Variants in DCC observed in about 807,000 individuals in gnomAD.
The protein encoded by DCC is DCC netrin 1 receptor.
DCC carries 58 observed loss-of-function variants against 172.5 expected under a neutral mutation model. That is an observed-to-expected ratio of 0.34 (90% CI 0.27 to 0.42). DCC has a LOEUF of 0.42. Ranked by LOEUF, DCC falls within the 10% of genes least tolerant of loss-of-function variation. The pLI is 1.00. For synonymous variants in DCC, 709 were observed against 644.5 expected, an observed-to-expected ratio of 1.10 and a Z score of -1.52; for missense variants, 1,740 against 1,791.0, an observed-to-expected ratio of 0.97 and a Z score of 0.51.
chr18:52,982,072 C>T (rs1378763098), intron 5 of DCC, among the ~76,000 whole-genome samples: 1 of 152,076 alleles, frequency 6.6e-6, no homozygotes, highest in African/African-American at 2.4e-5. Flanking sequence ...AAGATAGCTT[C>T]AAAGACACTG....
chr18:52,784,567 G>T (rs79923066), intron 2 of DCC, among the ~76,000 whole-genome samples: 4,656 of 151,956 alleles, frequency 0.031, 276 homozygotes, highest in African/African-American at 0.11. Flanking sequence ...CTACATGTTT[G>T]CCAGCAGTTG....
At chr18:53,146,410 G>A (rs546383105) in intron 7 of DCC, among the ~76,000 whole-genome samples, 1 of 152,310 alleles carries the variant, frequency 6.6e-6, no homozygotes, top group South Asian at 2.1e-4. Flanking sequence ...CAGGAAGTTG[G>A]TGTCCTCACA....
chr18:52,798,878 G>A (rs543477190), intron 2 of DCC, among the ~76,000 whole-genome samples: 8 of 151,952 alleles, frequency 5.3e-5, no homozygotes, highest in Admixed American at 2.6e-4. Flanking sequence ...TCAGCCTCCC[G>A]AGTAGTTGGG....
At chr18:53,014,559 GAT>G (rs1272576982) in intron 5 of DCC, among the ~76,000 whole-genome samples, 1 of 150,216 alleles carries the variant, frequency 6.7e-6, no homozygotes, top group Admixed American at 6.7e-5. Flanking sequence ...TTGTCCTTGC[GAT>G]AGTTTGCTGA....
chr18:53,369,004 G>C (rs981295362), intron 15 of DCC, among the ~76,000 whole-genome samples: 1 of 151,864 alleles, frequency 6.6e-6, no homozygotes, highest in African/African-American at 2.4e-5. Context: ...AGATTGCATT[G>C]AATCTGTAAA....
chr18:52,478,945 G>A (rs1012490937), intron 1 of DCC, among the ~76,000 whole-genome samples: 3 of 152,104 alleles, frequency 2.0e-5, no homozygotes, highest in African/African-American at 7.2e-5. Context: ...GATGACATAG[G>A]TAATACCATG....
At chr18:52,810,875 G>T (rs986206567) in intron 2 of DCC, among the ~76,000 whole-genome samples, 1 of 152,090 alleles carries the variant, frequency 6.6e-6, no homozygotes, top group African/African-American at 2.4e-5. Flanking sequence ...GTTTCACTGG[G>T]GGCCCACCCC....
intron 5 of DCC, among the ~76,000 whole-genome samples, chr18:52,963,522 G>A (rs2040879832): frequency 6.6e-6 from 1 of 152,146 alleles, no homozygotes; most frequent in South Asian, 2.1e-4. Context: ...ATGCACAGGA[G>A]TCTGAAGTGG....
chr18:53,506,859 CAAA>C (rs34848744), intron 27 of DCC, among the ~76,000 whole-genome samples: 26 of 133,320 alleles, frequency 2.0e-4, no homozygotes, highest in Admixed American at 1.5e-4. Flanking sequence ...GACTCCATCT[CAAA>C]AAAAAAAAAA....
At chr18:53,285,110 G>A (rs1461679902) in intron 12 of DCC, among the ~76,000 whole-genome samples, 2 of 151,122 alleles carry the variant, frequency 1.3e-5, no homozygotes, top group African/African-American at 2.4e-5. Flanking sequence ...CAATTTGATG[G>A]AAAAAAAAAT....
intron 27 of DCC, among the ~76,000 whole-genome samples, chr18:53,509,840 C>T (rs771723068): frequency 2.0e-5 from 3 of 152,156 alleles, no homozygotes; most frequent in African/African-American, 2.4e-5. Flanking sequence ...AGTTCCAAAA[C>T]CTTGTACTGA....
At chr18:52,716,880 T>C (rs2036392484) in intron 1 of DCC, among the ~76,000 whole-genome samples, 1 of 152,190 alleles carries the variant, frequency 6.6e-6, no homozygotes, top group African/African-American at 2.4e-5. Context: ...TTGATTGTTC[T>C]TTAAAGATGG....
chr18:52,729,514 C>A (rs1206063586), intron 1 of DCC, among the ~76,000 whole-genome samples: 1 of 152,196 alleles, frequency 6.6e-6, no homozygotes, highest in African/African-American at 2.4e-5. Flanking sequence ...CCTGCCTTGG[C>A]CTCCCAAAGT....
intron 7 of DCC, among the ~76,000 whole-genome samples, chr18:53,117,710 A>G (rs1057436143): frequency 4.6e-5 from 7 of 151,640 alleles, no homozygotes; most frequent in African/African-American, 1.7e-4. Context: ...CAGGAAGTAA[A>G]TATTTCAGGC....
At chr18:52,792,808 T>A (rs62083268) in intron 2 of DCC, among the ~76,000 whole-genome samples, 14 of 134,658 alleles carry the variant, frequency 1.0e-4, no homozygotes, top group Non-Finnish European at 1.3e-4. Context: ...CCATTCCAGT[T>A]GATTCAATTC....
chr18:52,511,653 C>G (rs919766794), intron 1 of DCC, among the ~76,000 whole-genome samples: 22 of 152,302 alleles, frequency 1.4e-4, no homozygotes, highest in Middle Eastern at 3.4e-3. Flanking sequence ...AAACAATCAT[C>G]CAGTCCCAAA....
chr18:53,388,715 G>A (rs1908342164), intron 16 of DCC, among the ~76,000 whole-genome samples: 1 of 152,212 alleles, frequency 6.6e-6, no homozygotes, highest in Non-Finnish European at 1.5e-5. Flanking sequence ...CTGTTTCATT[G>A]ATTTATTCTC....
chr18:52,559,765 G>C (rs1291504166), intron 1 of DCC, among the ~76,000 whole-genome samples: 1 of 151,672 alleles, frequency 6.6e-6, no homozygotes, highest in Non-Finnish European at 1.5e-5. Flanking sequence ...AATTTTAAAA[G>C]GCTGCCAAAG....
chr18:52,498,001 T>C (rs2030868145), intron 1 of DCC, among the ~76,000 whole-genome samples: 1 of 152,214 alleles, frequency 6.6e-6, no homozygotes, highest in African/African-American at 2.4e-5. Context: ...CTCAGCTTTA[T>C]TGTGCAAACA....
Sources: allele counts gnomAD v4.1 joint callset (sites outside exome capture counted in the v4.1 genomes callset), GRCh38; gene constraint gnomAD v4.1.1; transcripts MANE v1.5; gene names NCBI Gene and HGNC (gene_info 2026-07-23, HGNC 2026-07-21).